HS6ST3: variants seen among roughly 807,000 people sequenced by gnomAD.
HS6ST3 encodes heparan-sulfate 6-O-sulfotransferase 3.
In HS6ST3, 12 loss-of-function variants were observed where a neutral mutation model predicts 36.7. The observed-to-expected ratio is 0.33, with a 90% CI of 0.21 to 0.53. HS6ST3 has a LOEUF of 0.53. Ranked by LOEUF, HS6ST3 falls within the 20% of genes least tolerant of loss-of-function variation. The pLI is 0.95. For missense variants in HS6ST3, 584 were observed against 640.9 expected (o/e 0.91, Z 0.96); for synonymous variants, 240 against 257.5 (o/e 0.93, Z 0.65).
At chr13:96,173,153 TAAATC>T (rs1050390160) in intron 1 of HS6ST3, among the ~76,000 whole-genome samples, 1 of 151,970 alleles carries the variant, frequency 6.6e-6, no homozygotes, top group African/African-American at 2.4e-5. Context: ...ATGAAGAAAA[TAAATC>T]AGATAAAAGA....
intron 1 of HS6ST3, among the ~76,000 whole-genome samples, chr13:96,653,314 C>G (rs1344456668): frequency 1.3e-5 from 2 of 151,988 alleles, no homozygotes; most frequent in Admixed American, 1.3e-4. Context: ...CACTTATCAA[C>G]CCGTCATCTA....
chr13:96,656,744 A>G (rs1018806625), intron 1 of HS6ST3, among the ~76,000 whole-genome samples: 1 of 152,108 alleles, frequency 6.6e-6, no homozygotes, highest in South Asian at 2.1e-4. Flanking sequence ...TGAATTGGCT[A>G]TTCTGAGAAA....
chr13:96,437,948 T>G (rs1226924766), intron 1 of HS6ST3, among the ~76,000 whole-genome samples: 4 of 152,208 alleles, frequency 2.6e-5, no homozygotes, highest in African/African-American at 9.7e-5. Flanking sequence ...CCTTTGACAG[T>G]CAGAGGCACA....
At chr13:96,817,116 C>T (rs1367180501) in intron 1 of HS6ST3, among the ~76,000 whole-genome samples, 4 of 152,190 alleles carry the variant, frequency 2.6e-5, no homozygotes, top group African/African-American at 7.2e-5. Context: ...CGCAACTTCC[C>T]GCTGCCCCCA....
intron 1 of HS6ST3, among the ~76,000 whole-genome samples, chr13:96,383,019 A>G (rs2055348945): frequency 6.6e-6 from 1 of 152,226 alleles, no homozygotes; most frequent in South Asian, 2.1e-4. Context: ...TCTACAGACT[A>G]GGTATGAAAG....
At chr13:96,581,972 C>G (rs911404280) in intron 1 of HS6ST3, among the ~76,000 whole-genome samples, 3 of 152,112 alleles carry the variant, frequency 2.0e-5, no homozygotes, top group African/African-American at 7.2e-5. Flanking sequence ...GCCAAGACAC[C>G]TAAGCAAGTG....
intron 1 of HS6ST3, among the ~76,000 whole-genome samples, chr13:96,616,690 C>G (rs1184724324): frequency 2.6e-5 from 4 of 152,050 alleles, no homozygotes; most frequent in African/African-American, 9.7e-5. Flanking sequence ...TTTCATGAAC[C>G]CAAAGCTCAA....
chr13:96,761,396 A>G (rs1047704905), intron 1 of HS6ST3, among the ~76,000 whole-genome samples: 12 of 151,884 alleles, frequency 7.9e-5, no homozygotes, highest in Non-Finnish European at 1.3e-4. Context: ...GACAGTTCTT[A>G]TCTTCGTTGT....
chr13:96,367,939 G>T (rs1389717376), intron 1 of HS6ST3, among the ~76,000 whole-genome samples: 4 of 152,138 alleles, frequency 2.6e-5, no homozygotes, highest in Admixed American at 2.6e-4. Flanking sequence ...ATAGCTCAAT[G>T]AAAACTCATT....
chr13:96,452,237 T>C (rs1227395733), intron 1 of HS6ST3, among the ~76,000 whole-genome samples: 1 of 152,188 alleles, frequency 6.6e-6, no homozygotes, highest in Non-Finnish European at 1.5e-5. Context: ...GTTAAATTCA[T>C]AGAGATTCAG....
At chr13:96,457,945 A>G (rs1005927245) in intron 1 of HS6ST3, among the ~76,000 whole-genome samples, 4 of 151,968 alleles carry the variant, frequency 2.6e-5, no homozygotes, top group African/African-American at 9.7e-5. Flanking sequence ...AGTCTATACT[A>G]CTGGGTTCGG....
At chr13:96,556,628 A>G (rs2056241907) in intron 1 of HS6ST3, among the ~76,000 whole-genome samples, 1 of 152,190 alleles carries the variant, frequency 6.6e-6, no homozygotes, top group African/African-American at 2.4e-5. Flanking sequence ...TGTACTTTTG[A>G]GCTGATTAGG....
At chr13:96,671,502 A>G (rs1474829526) in intron 1 of HS6ST3, among the ~76,000 whole-genome samples, 3 of 152,138 alleles carry the variant, frequency 2.0e-5, no homozygotes, top group Non-Finnish European at 4.4e-5. Flanking sequence ...ACTGTAACGA[A>G]GCACCACAGA....
intron 1 of HS6ST3, among the ~76,000 whole-genome samples, chr13:96,391,865 T>G (rs750400208): frequency 2.0e-5 from 3 of 152,208 alleles, no homozygotes; most frequent in Non-Finnish European, 4.4e-5. Context: ...TGAGATTGTT[T>G]AATCATTTTT....
At chr13:96,280,480 G>C (rs1161781777) in intron 1 of HS6ST3, among the ~76,000 whole-genome samples, 1 of 152,158 alleles carries the variant, frequency 6.6e-6, no homozygotes, top group East Asian at 1.9e-4. Flanking sequence ...TGTAGAGAAA[G>C]AAGAGGTGAC....
rs79993975 is a variant in HS6ST3, at chr13:96,434,141, G to T, written c.707+342572G>T. ...TCCATATCTTGATGTCAGACTTTTAGCCTCCAAATTGTGAAAAATATTATA... is the reference window on the plus strand; with the variant it reads ...TCCATATCTTGATGTCAGACTTTTATCCTCCAAATTGTGAAAAATATTATA... On this transcript the variant is annotated intron_variant, in intron 1 of 1. Transcript: ENST00000376705. Among the ~76,000 whole-genome samples, 1,181 of 152,192 alleles carry T rather than the reference G, an allele frequency of 7.8e-3. 12 individuals are homozygous for T. The highest frequency in any genetic ancestry group is 0.012 in the Non-Finnish European group (801 of 68,016).
chr13:96,347,484 T>C (rs1346717799), intron 1 of HS6ST3, among the ~76,000 whole-genome samples: 1 of 152,222 alleles, frequency 6.6e-6, no homozygotes, highest in Non-Finnish European at 1.5e-5. Context: ...AGCGCCCTTG[T>C]GTGCTTATTC....
rs1878986523 is a variant in HS6ST3 at position 96,838,237 on chromosome 13, C to T, written c.*5039C>T. On this transcript the variant is annotated 3_prime_UTR_variant, in exon 2 of 2. Coordinates refer to ENST00000376705, the MANE Select transcript of HS6ST3 (RefSeq NM_153456.4). The stretch of plus-strand genomic sequence containing the variant: ...TAGAAAAATGACTAAGATACAGTCT[C>T]TGTCCTCTAGAACTAGGGCAGCCTG... 6.6e-6 allele frequency: 1 copy of T among 152,064 alleles called. No homozygotes were observed. Among genetic ancestry groups the T allele is most frequent in the Non-Finnish European group, 1.5e-5 (1 of 68,002 alleles). The allele number at this position is 152,064 out of a possible 1,614,324, so 9.4% of individuals were successfully genotyped here.
At chr13:96,448,648 AC>A (rs1408919666) in intron 1 of HS6ST3, among the ~76,000 whole-genome samples, 1 of 151,888 alleles carries the variant, frequency 6.6e-6, no homozygotes, top group Non-Finnish European at 1.5e-5. Context: ...CTTGTCTAAT[AC>A]CCCTGCAATT....
Sources: allele counts gnomAD v4.1 joint callset (sites outside exome capture counted in the v4.1 genomes callset), GRCh38; gene constraint gnomAD v4.1.1; transcripts MANE v1.5; gene names NCBI Gene and HGNC (gene_info 2026-07-23, HGNC 2026-07-21).